CDH18: variants seen among roughly 807,000 people sequenced by gnomAD.
The protein encoded by CDH18 is cadherin 18, also known as cadherin-18.
Under a neutral mutation model 67.9 loss-of-function variants are expected in CDH18, and 31 were observed. That is an observed-to-expected ratio of 0.46 (90% CI 0.34 to 0.62). The LOEUF is 0.62. CDH18 is among the 20% of genes least tolerant of loss of function. The pLI, the probability that CDH18 is intolerant of heterozygous loss-of-function variation, is 0.01. For synonymous variants in CDH18, 362 were observed against 347.2 expected, an observed-to-expected ratio of 1.04 and a Z score of -0.48; for missense variants, 890 against 975.5, an observed-to-expected ratio of 0.91 and a Z score of 1.17.
intron 7 of CDH18, among the ~76,000 whole-genome samples, chr5:19,588,371 C>T (rs1744551907): frequency 6.6e-6 from 1 of 151,846 alleles, no homozygotes; most frequent in Non-Finnish European, 1.5e-5. Context: ...AATTCATTAC[C>T]ACCATATCTG....
At chr5:19,723,514 C>T (rs552288595) in intron 4 of CDH18, among the ~76,000 whole-genome samples, 8 of 152,002 alleles carry the variant, frequency 5.3e-5, no homozygotes, top group Non-Finnish European at 8.8e-5. Flanking sequence ...AGGATGAGAG[C>T]TGTGTTATGT....
intron 4 of CDH18, among the ~76,000 whole-genome samples, chr5:19,734,170 AT>A (rs1344401302): frequency 6.6e-6 from 1 of 152,218 alleles, no homozygotes; most frequent in Non-Finnish European, 1.5e-5. Context: ...TTCCAAAAAA[AT>A]GAAACAAAAA....
At chr5:20,091,472 C>A (rs1299241230) in intron 2 of CDH18, among the ~76,000 whole-genome samples, 1 of 152,102 alleles carries the variant, frequency 6.6e-6, no homozygotes, top group East Asian at 1.9e-4. Flanking sequence ...AATTGGCACT[C>A]CAGCCTGGGT....
rs999202301 is a variant in CDH18 at position 20,204,937 on chromosome 5, T to TA, written c.-518+50506dup. On this transcript the variant is annotated intron_variant, in intron 2 of 14. Transcript: ENST00000507958. The stretch of plus-strand genomic sequence containing the variant: ...GACTCACTAACAAAAAGCAATAAGT[T>TA]AAAAAAAATTTTACCAGAAAAAAAC... 5.3e-5 allele frequency among the ~76,000 whole-genome samples: 8 copies of TA among 151,518 alleles called. No homozygotes were observed. In the East Asian group the frequency reaches 7.8e-4, roughly 15 times the overall value.
At chr5:20,332,204 T>G (rs1325789574) in intron 1 of CDH18, among the ~76,000 whole-genome samples, 1 of 152,204 alleles carries the variant, frequency 6.6e-6, no homozygotes, top group African/African-American at 2.4e-5. Flanking sequence ...TATTCAAAAG[T>G]TATGTACTTC....
At chr5:19,633,455 G>C (rs1252572402) in intron 5 of CDH18, among the ~76,000 whole-genome samples, 1 of 152,018 alleles carries the variant, frequency 6.6e-6, no homozygotes, top group Non-Finnish European at 1.5e-5. Context: ...CGATGGCATG[G>C]TGTTACATTT....
chr5:19,896,581 C>A (rs1269773517), intron 2 of CDH18, among the ~76,000 whole-genome samples: 1 of 152,116 alleles, frequency 6.6e-6, no homozygotes, highest in African/African-American at 2.4e-5. Context: ...GCGAGCACAG[C>A]CTGGCAAACA....
chr5:19,846,211 A>T (rs1199970738), intron 2 of CDH18, among the ~76,000 whole-genome samples: 1 of 152,044 alleles, frequency 6.6e-6, no homozygotes, highest in East Asian at 1.9e-4. Context: ...TGGGACTTAC[A>T]GAAACCTTCT....
intron 2 of CDH18, among the ~76,000 whole-genome samples, chr5:20,033,378 C>T (rs946328870): frequency 1.3e-5 from 2 of 151,996 alleles, no homozygotes; most frequent in East Asian, 3.9e-4. Flanking sequence ...AGCTGCTGTG[C>T]TCAACTGTAC....
At chr5:19,662,928 A>C (rs919986805) in intron 5 of CDH18, among the ~76,000 whole-genome samples, 1 of 152,038 alleles carries the variant, frequency 6.6e-6, no homozygotes, top group African/African-American at 2.4e-5. Flanking sequence ...CAAAGTGAAC[A>C]AAGGTGACTG....
intron 2 of CDH18, among the ~76,000 whole-genome samples, chr5:19,967,667 CA>C (rs1797587435): frequency 6.6e-6 from 1 of 151,920 alleles, no homozygotes; most frequent in Admixed American, 6.6e-5. Context: ...ACACTGATCA[CA>C]AAAGAAGGTA....
intron 5 of CDH18, among the ~76,000 whole-genome samples, chr5:19,613,582 C>T (rs779785177): frequency 3.9e-5 from 6 of 152,080 alleles, no homozygotes; most frequent in Admixed American, 3.3e-4. Context: ...AACATTTTTG[C>T]ATGATGAACC....
intron 3 of CDH18, among the ~76,000 whole-genome samples, chr5:19,802,271 C>T (rs1421204596): frequency 1.3e-5 from 2 of 152,066 alleles, no homozygotes; most frequent in African/African-American, 2.4e-5. Flanking sequence ...TGCAAAGTAG[C>T]TAATGAACTG....
At chr5:20,471,771 C>T (rs1752093615) in intron 1 of CDH18, among the ~76,000 whole-genome samples, 1 of 141,216 alleles carries the variant, frequency 7.1e-6, no homozygotes, top group African/African-American at 2.6e-5. Context: ...CACTGCACTC[C>T]AGCACTCCAG....
intron 2 of CDH18, among the ~76,000 whole-genome samples, chr5:20,207,249 C>T (rs1480613978): frequency 6.6e-6 from 1 of 151,166 alleles, no homozygotes; most frequent in African/African-American, 2.4e-5. Context: ...ACAAATAATA[C>T]AAAATATGTA....
At chr5:20,123,048 T>G (rs1308433172) in intron 2 of CDH18, among the ~76,000 whole-genome samples, 3 of 148,562 alleles carry the variant, frequency 2.0e-5, no homozygotes, top group African/African-American at 7.3e-5. Context: ...AAATGTATTA[T>G]ATGTATCTTC....
At chr5:19,911,882 G>A (rs1020694899) in intron 2 of CDH18, among the ~76,000 whole-genome samples, 3 of 152,188 alleles carry the variant, frequency 2.0e-5, no homozygotes, top group African/African-American at 7.2e-5. Flanking sequence ...TTGAGCTTTT[G>A]CATAAGGCAT....
chr5:20,376,869 T>C (rs998964726), intron 1 of CDH18, among the ~76,000 whole-genome samples: 1 of 151,812 alleles, frequency 6.6e-6, no homozygotes, highest in South Asian at 2.1e-4. Flanking sequence ...GTACTAAAAT[T>C]AGCCGGGCGT....
At chr5:19,566,457 G>A (rs1283232351) in intron 8 of CDH18, among the ~76,000 whole-genome samples, 2 of 152,206 alleles carry the variant, frequency 1.3e-5, no homozygotes, top group Non-Finnish European at 2.9e-5. Flanking sequence ...TAAAGAAAAA[G>A]AGGTTTAATG....
Sources: gnomAD v4.1 joint callset for allele counts (sites outside exome capture counted in the v4.1 genomes callset) on GRCh38, gnomAD v4.1.1 for gene constraint, MANE v1.5 for transcripts, NCBI Gene and HGNC (gene_info 2026-07-23, HGNC 2026-07-21) for gene names.